Variants in ZFPM2 observed in about 807,000 individuals in gnomAD.
ZFPM2 encodes zinc finger protein ZFPM2.
A neutral mutation model predicts 98.6 loss-of-function variants in ZFPM2; 20 were observed. The ratio of observed to expected loss-of-function variants is 0.20; its 90% CI spans 0.14 to 0.29. ZFPM2 has a LOEUF of 0.29. Among genes scored for constraint, ZFPM2 ranks in the 10% least tolerant of loss-of-function variants. The probability of loss-of-function intolerance (pLI) is 1.00; values close to 1 mark genes in which losing one functional copy is unlikely to be tolerated. For synonymous variants in ZFPM2, 518 were observed against 502.7 expected (o/e 1.03, Z -0.41); for missense variants, 1,310 against 1,388.6 (o/e 0.94, Z 0.90).
chr8:105,393,297 C>T lies in ZFPM2; in HGVS notation c.41-25847C>T, dbSNP rs116668567. Among the ~76,000 whole-genome samples the T allele has an allele frequency of 8.8e-3, 1,270 of 143,564 alleles. 23 individuals are homozygous for T. The highest frequency in any genetic ancestry group is 0.031 in the African/African-American group (1,215 of 39,024). 94.2% of individuals were successfully genotyped at this position (143,564 alleles called of 152,430 possible). ...GAAGAAATTATATTCTTCAGAATGTCTTCCTTCCTTCCTTTCTTCCTTCCC... is the reference window on the plus strand; with the variant it reads ...GAAGAAATTATATTCTTCAGAATGTTTTCCTTCCTTCCTTTCTTCCTTCCC... On this transcript the variant is annotated intron_variant, in intron 1 of 7. Transcript: ENST00000407775.
intron 4 of ZFPM2, among the ~76,000 whole-genome samples, chr8:105,565,805 G>A (rs928422394): frequency 1.3e-5 from 2 of 152,266 alleles, no homozygotes; most frequent in Non-Finnish European, 2.9e-5. Context: ...CTTGGCGTTA[G>A]GGGATTTTTA....
intron 4 of ZFPM2, among the ~76,000 whole-genome samples, chr8:105,575,088 T>C (rs565242265): frequency 6.6e-6 from 1 of 152,100 alleles, no homozygotes; most frequent in Non-Finnish European, 1.5e-5. Flanking sequence ...TGACAACTCT[T>C]CAAAGGAGGC....
intron 5 of ZFPM2, among the ~76,000 whole-genome samples, chr8:105,702,965 G>A (rs764623796): frequency 1.7e-4 from 26 of 152,120 alleles, no homozygotes; most frequent in African/African-American, 6.3e-4. Context: ...AAATAATTAT[G>A]CCAGTTCTGT....
At chr8:105,600,289 A>G (rs1816064540) in intron 4 of ZFPM2, among the ~76,000 whole-genome samples, 1 of 152,138 alleles carries the variant, frequency 6.6e-6, no homozygotes, top group South Asian at 2.1e-4. Context: ...TTGACTATTA[A>G]TGATGGATTT....
At chr8:105,637,296 C>T (rs995432232) in intron 5 of ZFPM2, among the ~76,000 whole-genome samples, 3 of 152,002 alleles carry the variant, frequency 2.0e-5, no homozygotes, top group East Asian at 1.9e-4. Flanking sequence ...CAAAACCACT[C>T]GGGCTTTTAT....
intron 1 of ZFPM2, among the ~76,000 whole-genome samples, chr8:105,327,292 G>T (rs1812132975): frequency 6.6e-6 from 1 of 151,614 alleles, no homozygotes; most frequent in South Asian, 2.1e-4. Flanking sequence ...TTAAAAATAT[G>T]AATAGAGTGA....
intron 5 of ZFPM2, among the ~76,000 whole-genome samples, chr8:105,639,733 G>C (rs1398727711): frequency 6.6e-6 from 1 of 151,976 alleles, no homozygotes; most frequent in African/African-American, 2.4e-5. Context: ...TACACACTGA[G>C]AGAAAATGAA....
At chr8:105,662,997 G>A (rs1241131392) in intron 5 of ZFPM2, 1 of 152,144 alleles carries the variant, frequency 6.6e-6, no homozygotes, top group East Asian at 1.9e-4. Flanking sequence ...CAGTGTTTGT[G>A]GCATGCAGAT....
chr8:105,446,986 C>G (rs1168430804), intron 3 of ZFPM2, among the ~76,000 whole-genome samples: 1 of 152,036 alleles, frequency 6.6e-6, no homozygotes, highest in Non-Finnish European at 1.5e-5. Context: ...GATGTTACTA[C>G]TGCAAGTTTT....
chr8:105,757,852 G>A (rs1407275168), intron 5 of ZFPM2, among the ~76,000 whole-genome samples: 4 of 152,022 alleles, frequency 2.6e-5, no homozygotes, highest in Non-Finnish European at 5.9e-5. Flanking sequence ...CTGTTAATTA[G>A]CCTGGGACCT....
At chr8:105,501,592 C>T (rs1257859047) in intron 3 of ZFPM2, among the ~76,000 whole-genome samples, 1 of 151,888 alleles carries the variant, frequency 6.6e-6, no homozygotes, top group Non-Finnish European at 1.5e-5. Flanking sequence ...CAACCTCTGC[C>T]ACCTGGGTTC....
intron 3 of ZFPM2, among the ~76,000 whole-genome samples, chr8:105,455,037 A>T (rs1812559908): frequency 6.6e-6 from 1 of 152,186 alleles, no homozygotes; most frequent in Non-Finnish European, 1.5e-5. Context: ...AGCATCTCAA[A>T]TCTGAAAATT....
chr8:105,586,309 A>T (rs1815713639), intron 4 of ZFPM2, among the ~76,000 whole-genome samples: 1 of 151,768 alleles, frequency 6.6e-6, no homozygotes, highest in Admixed American at 6.6e-5. Context: ...ATGTTGTCAA[A>T]AGAGCTTAGT....
intron 6 of ZFPM2, among the ~76,000 whole-genome samples, chr8:105,795,259 T>C (rs1477786690): frequency 3.3e-5 from 5 of 150,484 alleles, no homozygotes; most frequent in East Asian, 2.0e-4. Context: ...TGTGTGTGTG[T>C]GTGTGTGTGT....
chr8:105,355,015 T>G (rs1025899382), intron 1 of ZFPM2, among the ~76,000 whole-genome samples: 6 of 152,176 alleles, frequency 3.9e-5, no homozygotes, highest in Admixed American at 1.3e-4. Context: ...TTCTAAAGTT[T>G]CTATATTTTC....
intron 4 of ZFPM2, among the ~76,000 whole-genome samples, chr8:105,564,751 A>T (rs1786767534): frequency 6.6e-6 from 1 of 152,146 alleles, no homozygotes; most frequent in African/African-American, 2.4e-5. Flanking sequence ...ATGAATCATA[A>T]ATTTATAAAA....
intron 3 of ZFPM2, among the ~76,000 whole-genome samples, chr8:105,560,788 T>G (rs1462981039): frequency 6.6e-6 from 1 of 152,166 alleles, no homozygotes; most frequent in Non-Finnish European, 1.5e-5. Context: ...TAAAGTATTT[T>G]TTTGGTACAA....
At chr8:105,597,169 C>T (rs1254216132) in intron 4 of ZFPM2, among the ~76,000 whole-genome samples, 1 of 151,702 alleles carries the variant, frequency 6.6e-6, no homozygotes, top group African/African-American at 2.4e-5. Context: ...ATGTTAGGGC[C>T]CTGTTATGCC....
chr8:105,412,118 A>G lies in ZFPM2; in HGVS notation c.41-7026A>G, dbSNP rs146262024. Among the ~76,000 whole-genome samples the G allele has an allele frequency of 3.8e-3, 571 of 151,952 alleles. 3 individuals carry two copies. The highest frequency in any genetic ancestry group is 0.013 in the African/African-American group (548 of 41,510). On this transcript the variant is annotated intron_variant, in intron 1 of 7. Transcript: ENST00000407775. ...AATACCACCATCTATAAAAATGGCCAAAGACTTTGTAGCAAAGAATATTAC... is the reference window on the plus strand; with the variant it reads ...AATACCACCATCTATAAAAATGGCCGAAGACTTTGTAGCAAAGAATATTAC...
Sources: gnomAD v4.1 joint callset for allele counts (sites outside exome capture counted in the v4.1 genomes callset) on GRCh38, gnomAD v4.1.1 for gene constraint, MANE v1.5 for transcripts, NCBI Gene and HGNC (gene_info 2026-07-23, HGNC 2026-07-21) for gene names.